The following NDE1 variants were observed in gnomAD, a reference collection of about 807,000 sequenced individuals.
NDE1 encodes nudE neurodevelopment protein 1, also known as nuclear distribution protein nudE homolog 1.
Under a neutral mutation model 43.4 loss-of-function variants are expected in NDE1, and 28 were observed. That is an observed-to-expected ratio of 0.65 (90% CI 0.48 to 0.89). The LOEUF (loss-of-function observed/expected upper bound fraction) is 0.89. Ranked by LOEUF, NDE1 falls within the 40% of genes least tolerant of loss-of-function variation. NDE1 has a pLI of 0.00. For synonymous variants in NDE1, 184 were observed against 172.0 expected, an observed-to-expected ratio of 1.07 and a Z score of -0.55; for missense variants, 441 against 434.1, an observed-to-expected ratio of 1.02 and a Z score of -0.14.
intron 3 of NDE1, chr16:15,672,902 G>A (rs2037670332): frequency 6.6e-6 from 1 of 152,270 alleles, no homozygotes; most frequent in South Asian, 2.1e-4. Flanking sequence ...TCTGCTTACA[G>A]CCAGGAAATG....
intron 8 of NDE1, among the ~76,000 whole-genome samples, chr16:15,705,951 C>G (rs992050565): frequency 8.2e-6 from 1 of 121,744 alleles, no homozygotes; most frequent in African/African-American, 3.3e-5. Flanking sequence ...GGCCACTGCA[C>G]TCCAGCCTAG....
chr16:15,643,964 T>TA (rs1486342087), intron 1 of NDE1: 1 of 152,142 alleles, frequency 6.6e-6, no homozygotes, highest in Non-Finnish European at 1.5e-5. Flanking sequence ...GGTGGCCAGA[T>TA]ATGCTGTGTG....
intron 7 of NDE1, chr16:15,696,032 T>C (rs2038992281): frequency 7.0e-6 from 1 of 142,672 alleles, no homozygotes; most frequent in Non-Finnish European, 1.5e-5. Context: ...AAAAAATTTT[T>C]TGTAATTAAA....
chr16:15,649,307 C>A (rs754760568), upstream of NDE1: 8 of 152,168 alleles, frequency 5.3e-5, no homozygotes, highest in Non-Finnish European at 7.3e-5. Context: ...GTCATTTAGT[C>A]CTCTGCATAA....
intron 1 of NDE1, among the ~76,000 whole-genome samples, chr16:15,654,492 T>A (rs1340848797): frequency 6.7e-6 from 1 of 148,658 alleles, no homozygotes; most frequent in African/African-American, 2.5e-5. Context: ...TCCGAGGTAC[T>A]AGGGACGCTG....
At chr16:15,669,647 A>C (rs889270726) in intron 3 of NDE1, among the ~76,000 whole-genome samples, 1 of 152,064 alleles carries the variant, frequency 6.6e-6, no homozygotes, top group Non-Finnish European at 1.5e-5. Context: ...GGTGTGAGCC[A>C]CCACGCCCGG....
chr16:15,663,433 G>A (rs545507745), intron 1 of NDE1, among the ~76,000 whole-genome samples: 3 of 151,542 alleles, frequency 2.0e-5, no homozygotes, highest in East Asian at 1.9e-4. Flanking sequence ...TAGTAGAGAC[G>A]GAGTTTCACC....
At chr16:15,690,210 A>G (rs1449671531) in intron 5 of NDE1, among the ~76,000 whole-genome samples, 2 of 151,576 alleles carry the variant, frequency 1.3e-5, no homozygotes, top group Non-Finnish European at 2.9e-5. Context: ...ACGCATGGCT[A>G]ATTTTTTGTA....
At chr16:15,716,626 A>G (rs2040163933) in intron 8 of NDE1, among the ~76,000 whole-genome samples, 1 of 152,140 alleles carries the variant, frequency 6.6e-6, no homozygotes, top group Admixed American at 6.6e-5. Flanking sequence ...CGTTGGAGTG[A>G]TTCTCCTGCC....
At chr16:15,688,026 A>T (rs2151104085) in intron 5 of NDE1, among the ~76,000 whole-genome samples, 1 of 152,222 alleles carries the variant, frequency 6.6e-6, no homozygotes, top group South Asian at 2.1e-4. Context: ...ACATTTAAAG[A>T]TTAGCTGGGT....
Position 15,724,415 on chromosome 16 carries a change from A to C in NDE1, c.*164A>C, listed in dbSNP as rs370252949. ...TTCTTCTTCGAGTCGGAGAGCTACA[A>C]GGACAGCGTCCAGGGTAGGGTGAGA... On this transcript the variant is annotated 3_prime_UTR_variant, in exon 9 of 9. Coordinates refer to ENST00000396354, the MANE Select transcript of NDE1 (RefSeq NM_017668.3). The C allele has an allele frequency of 1.2e-5, 20 of 1,613,592 alleles. No individual in the cohort carries two copies. The African/African-American group carries it at 2.4e-4, about 19-fold the overall frequency.
Position 15,687,460 on chromosome 16 carries a change from GA to G in NDE1, c.477del (p.Glu160ArgfsTer10). On this transcript the variant is annotated frameshift_variant, in exon 5 of 9. Coordinates refer to ENST00000396354, the MANE Select transcript of NDE1 (RefSeq NM_017668.3). LOFTEE classifies it high-confidence loss of function. ...TGCCTTCCTGGAAAGTGAACTTGATGAAAAAGAGAATCTCCTGGAATCTGTT... is the reference window on the plus strand; with the variant it reads ...TGCCTTCCTGGAAAGTGAACTTGATGAAAAGAGAATCTCCTGGAATCTGTT... ...RNAFLESELD[E>X]KENLLESVQR... 1.2e-6 allele frequency: 2 copies of G among 1,614,204 alleles called. No homozygotes were observed. Among genetic ancestry groups the G allele is most frequent in the South Asian group, 2.2e-5 (2 of 91,090 alleles).
chr16:15,677,041 G>A (rs1371604809), intron 3 of NDE1, among the ~76,000 whole-genome samples: 1 of 152,160 alleles, frequency 6.6e-6, no homozygotes, highest in Non-Finnish European at 1.5e-5. Context: ...ACCCTGTTGA[G>A]AGTAGGCAAG....
chr16:15,685,902 T>C (rs2038412116), intron 4 of NDE1, among the ~76,000 whole-genome samples: 1 of 151,908 alleles, frequency 6.6e-6, no homozygotes, highest in Admixed American at 6.6e-5. Context: ...TTGCTGAAAA[T>C]TTATAGATGT....
At chr16:15,672,098 A>C (rs1274951679) in intron 3 of NDE1, among the ~76,000 whole-genome samples, 1 of 152,000 alleles carries the variant, frequency 6.6e-6, no homozygotes, top group African/African-American at 2.4e-5. Context: ...ATGGATCCTG[A>C]GTAAAATATC....
chr16:15,718,188 ACCACCCTCTTGTCCCTCAAT>A, intron 8 of NDE1: 3 of 1,489,964 alleles, frequency 2.0e-6, no homozygotes, highest in Non-Finnish European at 2.8e-6. Context: ...CTCAGGCCCC[ACCACCCTCTTGTCCCTCAAT>A]CCAGGGCCTG....
Position 15,720,772 on chromosome 16 carries a change from G to A in NDE1, c.948-3419G>A, listed in dbSNP as rs376745735. Reference sequence around the variant, plus strand: ...AAAACGAAGTTTCCACACCAACCATGAGAGTGGTGATAGGAATGAAAAAGG... The same window carrying A: ...AAAACGAAGTTTCCACACCAACCATAAGAGTGGTGATAGGAATGAAAAAGG... On this transcript the variant is annotated intron_variant, in intron 8 of 8. Transcript: ENST00000396354. 7 of 1,493,132 alleles carry A rather than the reference G, an allele frequency of 4.7e-6. No individual in the cohort carries two copies. The South Asian group carries it at 7.9e-5, about 17-fold the overall frequency. The allele number at this position is 1,493,132 out of a possible 1,614,324, so 92.5% of individuals were successfully genotyped here. A position where few individuals can be genotyped will look rare whatever the true frequency, so the allele number is the denominator to read the frequency against.
rs117253447 is a variant in NDE1 at position 15,688,088 on chromosome 16, A to G, written c.523+577A>G. Among the ~76,000 whole-genome samples the G allele has an allele frequency of 1.7e-3, 259 of 152,258 alleles. 6 individuals are homozygous for G. In the East Asian group the frequency reaches 0.041, roughly 24 times the overall value. ...CTACTCAGGAAGCCAAGGTGGGATG[A>G]TTGCTTCAGCCCAGGAGGTGGAGTA... On this transcript the variant is annotated intron_variant, in intron 5 of 8. Coordinates refer to ENST00000396354, the MANE Select transcript of NDE1 (RefSeq NM_017668.3).
chr16:15,664,933 T>A (rs938216846), intron 2 of NDE1, 72 bp downstream of exon 2: 2 of 1,200,408 alleles, frequency 1.7e-6, no homozygotes, highest in African/African-American at 1.5e-5. Flanking sequence ...TTACCTAGGC[T>A]GAGTGCGGTG....
Sources: gnomAD v4.1 joint callset for allele counts (sites outside exome capture counted in the v4.1 genomes callset) on GRCh38, gnomAD v4.1.1 for gene constraint, MANE v1.5 for transcripts, NCBI Gene and HGNC (gene_info 2026-07-23, HGNC 2026-07-21) for gene names.